ADIG: variants seen among roughly 807,000 people sequenced by gnomAD.
ADIG encodes the protein adipogenin, also known as adipogenesis associated.
Under a neutral mutation model 10.7 loss-of-function variants are expected in ADIG, and 12 were observed. That is an observed-to-expected ratio of 1.12 (90% CI 0.72 to 1.82). The LOEUF (loss-of-function observed/expected upper bound fraction) is 1.82, where lower values mean the gene tolerates loss of function less well. ADIG is among the 40% of genes most tolerant of loss of function. The pLI is 0.00. For missense variants in ADIG, 72 were observed against 92.5 expected (o/e 0.78, Z 0.91); for synonymous variants, 32 against 35.6 (o/e 0.90, Z 0.36).
In ADIG at chr20:38,588,207, C is replaced by T. The variant is rs1455221438; in HGVS notation, c.*121C>T. On this transcript the variant is annotated 3_prime_UTR_variant, in exon 3 of 3. Coordinates refer to ENST00000537425, the MANE Select transcript of ADIG (RefSeq NM_001393816.1). ...GGCAACTGTGGTGCCTCCCTGGAAC[C>T]CCCAACTCATCTCCTCTTCAGACCG... 3 of 1,304,684 alleles carry T rather than the reference C, an allele frequency of 2.3e-6. No individual in the cohort carries two copies. The highest frequency in any genetic ancestry group is 1.1e-4 in the East Asian group (2 of 18,020). 80.8% of individuals were successfully genotyped at this position (1,304,684 alleles called of 1,614,324 possible). A position where few individuals can be genotyped will look rare whatever the true frequency, so the allele number is the denominator to read the frequency against.
At position 38,582,966 on chromosome 20, in the gene ADIG, C is replaced by T. The variant is rs549396934; in HGVS notation, c.124+1592C>T. Among the ~76,000 whole-genome samples, 141 of 152,140 alleles carry T rather than the reference C, an allele frequency of 9.3e-4. 1 individual carries two copies. The highest frequency in any genetic ancestry group is 1.7e-3 in the South Asian group (8 of 4,810). ...CCAAGTAGCGGGGATTACAGGTGCC[C>T]GCCATCACACCTGTCTAATTTTTGT... On this transcript the variant is annotated intron_variant, in intron 1 of 2. Transcript: ENST00000537425.
At chr20:38,586,202 C>T in intron 2 of ADIG, 41 bp downstream of exon 2, 3 of 1,504,850 alleles carry the variant, frequency 2.0e-6, no homozygotes, top group Non-Finnish European at 2.7e-6. Context: ...TCAAGGCCCA[C>T]CCAAAGCCTT....
At position 38,585,987 on chromosome 20, in the gene ADIG, A is replaced by G. The variant is rs113801185; in HGVS notation, c.125-42A>G. 5.0e-4 allele frequency: 769 copies of G among 1,536,946 alleles called. 6 individuals are homozygous for G. In the African/African-American group the frequency reaches 8.9e-3, roughly 18 times the overall value. On this transcript the variant is annotated intron_variant, in intron 1 of 2. Coordinates refer to ENST00000537425, the MANE Select transcript of ADIG (RefSeq NM_001393816.1). The stretch of plus-strand genomic sequence containing the variant: ...CCTTCCTGGGTCAGGGGTAGGAGAC[A>G]GGATGTGACCATCCAAGAGGCCTTG...
chr20:38,582,447 C>T (rs529522091), intron 1 of ADIG, among the ~76,000 whole-genome samples: 2 of 152,310 alleles, frequency 1.3e-5, no homozygotes, highest in East Asian at 3.9e-4. Flanking sequence ...CTGCTGAGTG[C>T]CATGACCTTT....
chr20:38,581,993 G>A (rs1283841618), intron 1 of ADIG, among the ~76,000 whole-genome samples: 2 of 152,190 alleles, frequency 1.3e-5, no homozygotes, highest in African/African-American at 2.4e-5. Flanking sequence ...GGAGCAAGAG[G>A]TGGGACGAAG....
chr20:38,588,004 C>A, intron 2 of ADIG, 97 bp from the exon 3 acceptor site: 3 of 1,203,914 alleles, frequency 2.5e-6, no homozygotes, highest in Non-Finnish European at 3.2e-6. Context: ...TCCCAAAGTG[C>A]TGGGATTACA....
chr20:38,586,085 C>T lies in ADIG; in HGVS notation c.181C>T (p.Pro61Ser). 1 of 1,610,522 alleles carries T rather than the reference C, an allele frequency of 6.2e-7. No homozygotes were observed. Among genetic ancestry groups the T allele is most frequent in the South Asian group, 1.1e-5 (1 of 89,894 alleles). ...CLDWEPWSKGPAEFCWKGTLH... is the reference protein window; with the variant it reads ...CLDWEPWSKGSAEFCWKGTLH... ...GGATTGGGAGCCCTGGAGCAAAGGCCCAGCTGAGTTTTGCTGGAAGGGGAC... is the reference window on the plus strand; with the variant it reads ...GGATTGGGAGCCCTGGAGCAAAGGCTCAGCTGAGTTTTGCTGGAAGGGGAC... The change falls in exon 2 of 3, where the codon CCA (proline) becomes TCA (serine). Residue 61 changes from proline (P) to serine (S), a missense_variant. Physicochemically the swap from Pro to Ser is moderately conservative, Grantham distance 74. Coordinates refer to ENST00000537425, the MANE Select transcript of ADIG (RefSeq NM_001393816.1).
At chr20:38,586,399 CTT>C in intron 2 of ADIG, 1 of 483,320 alleles carries the variant, frequency 2.1e-6, no homozygotes, top group Non-Finnish European at 3.8e-6. Flanking sequence ...GTCCCCTACC[CTT>C]TACCCTAGGG....
Position 38,587,990 on chromosome 20 carries a change from G to A in ADIG, c.*15-111G>A, listed in dbSNP as rs139841588. ...TGACCTTAGATGATCCACCTGCCTC[G>A]GCTTCCCAAAGTGCTGGGATTACAG... is the stretch of plus-strand genomic sequence containing the variant. On this transcript the variant is annotated intron_variant, in intron 2 of 2. Coordinates refer to ENST00000537425, the MANE Select transcript of ADIG (RefSeq NM_001393816.1). The A allele has an allele frequency of 1.6e-4, 188 of 1,185,804 alleles. 1 individual carries two copies. In the African/African-American group the frequency reaches 2.4e-3, roughly 15 times the overall value. The allele number at this position is 1,185,804 out of a possible 1,614,324, so 73.5% of individuals were successfully genotyped here. A position where few individuals can be genotyped will look rare whatever the true frequency, so the allele number is the denominator to read the frequency against.
chr20:38,582,839 CAG>C (rs1387860796), intron 1 of ADIG, among the ~76,000 whole-genome samples: 1 of 151,636 alleles, frequency 6.6e-6, no homozygotes, highest in Non-Finnish European at 1.5e-5. Context: ...TTTTTTGAAA[CAG>C]AGTCTTACTC....
chr20:38,583,255 A>T (rs1413205212), intron 1 of ADIG, among the ~76,000 whole-genome samples: 1 of 152,226 alleles, frequency 6.6e-6, no homozygotes, highest in African/African-American at 2.4e-5. Flanking sequence ...AATACTTAAT[A>T]ATATCACAAT....
At chr20:38,581,502 A>G in intron 1 of ADIG, 128 bp downstream of exon 1, 2 of 1,349,870 alleles carry the variant, frequency 1.5e-6, no homozygotes, top group Non-Finnish European at 2.0e-6. Flanking sequence ...TCGCTTAGAT[A>G]CAAGCAGTCA....
chr20:38,586,484 C>T (rs2088638058), intron 2 of ADIG, among the ~76,000 whole-genome samples: 1 of 152,294 alleles, frequency 6.6e-6, no homozygotes, highest in Admixed American at 6.5e-5. Context: ...GGCACTCCCT[C>T]CCCTCTGAGG....
At chr20:38,585,616 T>C in intron 1 of ADIG, 1 of 1,309,810 alleles carries the variant, frequency 7.6e-7, no homozygotes, top group Non-Finnish European at 1.1e-6. Flanking sequence ...CGTGTGTGCG[T>C]GTTTCATCAC....
chr20:38,585,579 G>A (rs2088629142), intron 1 of ADIG: 23 of 1,503,586 alleles, frequency 1.5e-5, no homozygotes, highest in Non-Finnish European at 2.1e-5. Flanking sequence ...TGTGGACGTG[G>A]ACACAGTTTC....
chr20:38,583,513 C>T lies in ADIG; in HGVS notation c.124+2139C>T, dbSNP rs189578809. ...TCGGGTACTTACAGGGCAGGGCACA[C>T]AGTACGCATACACACCTGGCACATC... On this transcript the variant is annotated intron_variant, in intron 1 of 2. Coordinates refer to ENST00000537425, the MANE Select transcript of ADIG (RefSeq NM_001393816.1). Among the ~76,000 whole-genome samples, 204 of 152,362 alleles carry T rather than the reference C, an allele frequency of 1.3e-3. 2 individuals are homozygous for T. The highest frequency in any genetic ancestry group is 2.7e-3 in the Non-Finnish European group (181 of 68,034).
At chr20:38,583,234 C>A (rs1454316558) in intron 1 of ADIG, among the ~76,000 whole-genome samples, 1 of 152,156 alleles carries the variant, frequency 6.6e-6, no homozygotes, top group East Asian at 1.9e-4. Flanking sequence ...CTCATAATAA[C>A]CCTGCTTAAT....
Position 38,588,216 on chromosome 20 carries a change from A to C in ADIG, c.*130A>C. On this transcript the variant is annotated 3_prime_UTR_variant, in exon 3 of 3. Coordinates refer to ENST00000537425, the MANE Select transcript of ADIG (RefSeq NM_001393816.1). Reference sequence around the variant, plus strand: ...GGTGCCTCCCTGGAACCCCCAACTCATCTCCTCTTCAGACCGACATGTGAA... The same window carrying C: ...GGTGCCTCCCTGGAACCCCCAACTCCTCTCCTCTTCAGACCGACATGTGAA... The C allele has an allele frequency of 1.5e-6, 2 of 1,304,556 alleles. No individual in the cohort carries two copies. The highest frequency in any genetic ancestry group is 1.0e-6 in the Non-Finnish European group (1 of 988,910). 80.8% of individuals were successfully genotyped at this position (1,304,556 alleles called of 1,614,324 possible).
intron 1 of ADIG, among the ~76,000 whole-genome samples, chr20:38,583,491 G>A (rs2088606551): frequency 6.6e-6 from 1 of 152,218 alleles, no homozygotes; most frequent in Non-Finnish European, 1.5e-5. Context: ...ATGCATATCG[G>A]GTACTTACAG....
Sources: gnomAD v4.1 joint callset for allele counts (sites outside exome capture counted in the v4.1 genomes callset) on GRCh38, gnomAD v4.1.1 for gene constraint, MANE v1.5 for transcripts, NCBI Gene and HGNC (gene_info 2026-07-23, HGNC 2026-07-21) for gene names.